NKAIN2: variants seen among roughly 807,000 people sequenced by gnomAD.
NKAIN2 encodes the protein sodium/potassium-transporting ATPase subunit beta-1-interacting protein 2.
NKAIN2 carries 14 observed loss-of-function variants against 32.6 expected under a neutral mutation model. That is an observed-to-expected ratio of 0.43 (90% confidence interval 0.28 to 0.67). NKAIN2 has a LOEUF of 0.67. NKAIN2 is among the 30% of genes least tolerant of loss of function. The probability of loss-of-function intolerance (pLI) is 0.17; values close to 1 mark genes in which losing one functional copy is unlikely to be tolerated. For missense variants in NKAIN2, 198 were observed against 258.3 expected, an observed-to-expected ratio of 0.77 and a Z score of 1.60; for synonymous variants, 80 against 87.2, an observed-to-expected ratio of 0.92 and a Z score of 0.46.
rs1048210176 is a variant in NKAIN2 at position 124,484,954 on chromosome 6, TA to T, written c.273+129615del. On this transcript the variant is annotated intron_variant, in intron 3 of 6. Transcript: ENST00000368417. ...AGCATATAAAACACATTGTGCATAATAAAAAAAAGAGCCCCTTCTGAGTGAA... is the reference window on the plus strand; with the variant it reads ...AGCATATAAAACACATTGTGCATAATAAAAAAAGAGCCCCTTCTGAGTGAA... Among the ~76,000 whole-genome samples the T allele has an allele frequency of 5.9e-5, 9 of 151,794 alleles. No individual in the cohort carries two copies. The East Asian group carries it at 9.7e-4, about 16-fold the overall frequency.
intron 3 of NKAIN2, among the ~76,000 whole-genome samples, chr6:124,391,940 C>G (rs1327507390): frequency 6.6e-6 from 1 of 152,070 alleles, no homozygotes; most frequent in Non-Finnish European, 1.5e-5. Flanking sequence ...TTGTATGAAA[C>G]TGGAATCTCC....
At chr6:124,543,428 T>C (rs776585701) in intron 3 of NKAIN2, among the ~76,000 whole-genome samples, 6 of 152,184 alleles carry the variant, frequency 3.9e-5, no homozygotes, top group Non-Finnish European at 8.8e-5. Context: ...AAAACTGATG[T>C]TTATTTTTAT....
chr6:124,500,534 G>A (rs1778246580), intron 3 of NKAIN2, among the ~76,000 whole-genome samples: 1 of 151,862 alleles, frequency 6.6e-6, no homozygotes, highest in Non-Finnish European at 1.5e-5. Context: ...CATGGCTGTG[G>A]TCTCAGCTAC....
chr6:124,820,847 T>C (rs1376021429), intron 6 of NKAIN2, among the ~76,000 whole-genome samples: 1 of 152,196 alleles, frequency 6.6e-6, no homozygotes, highest in African/African-American at 2.4e-5. Context: ...CCTGATGATC[T>C]GAGGTGGAAC....
At chr6:123,985,560 A>G (rs995004419) in intron 1 of NKAIN2, among the ~76,000 whole-genome samples, 5 of 152,216 alleles carry the variant, frequency 3.3e-5, no homozygotes, top group Admixed American at 2.0e-4. Flanking sequence ...GTTTATAAAT[A>G]TATGCATTCA....
chr6:124,176,317 T>A (rs1390579166), intron 1 of NKAIN2, among the ~76,000 whole-genome samples: 2 of 152,168 alleles, frequency 1.3e-5, no homozygotes, highest in Admixed American at 1.3e-4. Flanking sequence ...AAGTATGATT[T>A]AAAAAAGTAT....
At chr6:123,973,935 C>G (rs1191669124) in intron 1 of NKAIN2, among the ~76,000 whole-genome samples, 1 of 151,962 alleles carries the variant, frequency 6.6e-6, no homozygotes, top group African/African-American at 2.4e-5. Context: ...GGAGAATTAT[C>G]CTAATAATCG....
In NKAIN2 at chr6:124,593,753, A is replaced by G. The variant is rs555842757; in HGVS notation, c.274-64433A>G. Among the ~76,000 whole-genome samples the G allele has an allele frequency of 2.6e-5, 4 of 152,330 alleles. No homozygotes were observed. The East Asian group carries it at 7.7e-4, about 29-fold the overall frequency. ...CTTTTGCTAGACATGACATAAGGCTATATCCAACCAGATTAGGTAAAGGAA... is the reference window on the plus strand; with the variant it reads ...CTTTTGCTAGACATGACATAAGGCTGTATCCAACCAGATTAGGTAAAGGAA... On this transcript the variant is annotated intron_variant, in intron 3 of 6. Transcript: ENST00000368417.
chr6:124,225,265 A>C (rs1440431898), intron 1 of NKAIN2, among the ~76,000 whole-genome samples: 1 of 152,118 alleles, frequency 6.6e-6, no homozygotes, highest in Non-Finnish European at 1.5e-5. Flanking sequence ...AGGATAGTAT[A>C]AAATTGTAGC....
intron 4 of NKAIN2, among the ~76,000 whole-genome samples, chr6:124,711,190 T>G (rs9375359): frequency 8.1e-6 from 1 of 122,846 alleles, no homozygotes; most frequent in Non-Finnish European, 1.7e-5. Flanking sequence ...GCGTTTCTGC[T>G]GAGAGATCCG....
At chr6:124,656,279 A>G (rs1187890652) in intron 3 of NKAIN2, among the ~76,000 whole-genome samples, 5 of 152,186 alleles carry the variant, frequency 3.3e-5, no homozygotes. Flanking sequence ...ATAGTTTCCA[A>G]AGAAGTCTGT....
At chr6:124,140,683 C>T (rs1787089702) in intron 1 of NKAIN2, among the ~76,000 whole-genome samples, 1 of 152,098 alleles carries the variant, frequency 6.6e-6, no homozygotes, top group East Asian at 1.9e-4. Flanking sequence ...AATTCCTATC[C>T]AGCTATTTTT....
intron 1 of NKAIN2, among the ~76,000 whole-genome samples, chr6:124,062,868 C>T (rs935503300): frequency 2.0e-5 from 3 of 152,060 alleles, no homozygotes; most frequent in Non-Finnish European, 4.4e-5. Flanking sequence ...TGTAAATTAG[C>T]ACATTTAATT....
chr6:124,262,810 T>C (rs978274032), intron 1 of NKAIN2, among the ~76,000 whole-genome samples: 1 of 152,106 alleles, frequency 6.6e-6, no homozygotes, highest in Admixed American at 6.6e-5. Flanking sequence ...CAAGCAACGA[T>C]GGGACCTCAC....
At chr6:124,135,158 C>T (rs1786679181) in intron 1 of NKAIN2, among the ~76,000 whole-genome samples, 1 of 151,824 alleles carries the variant, frequency 6.6e-6, no homozygotes, top group South Asian at 2.1e-4. Flanking sequence ...TCAAAATACA[C>T]CAAAATGAAC....
At chr6:124,013,852 G>A (rs1317291890) in intron 1 of NKAIN2, among the ~76,000 whole-genome samples, 1 of 152,054 alleles carries the variant, frequency 6.6e-6, no homozygotes, top group Non-Finnish European at 1.5e-5. Context: ...AAGGGTAGAA[G>A]GTTCACAAGC....
At chr6:124,536,586 A>G (rs1779723136) in intron 3 of NKAIN2, among the ~76,000 whole-genome samples, 1 of 152,118 alleles carries the variant, frequency 6.6e-6, no homozygotes, top group South Asian at 2.1e-4. Flanking sequence ...CCCAATTGCT[A>G]CTAACAGAAA....
chr6:123,928,690 T>G (rs2114513749), intron 1 of NKAIN2, among the ~76,000 whole-genome samples: 1 of 152,312 alleles, frequency 6.6e-6, no homozygotes, highest in Non-Finnish European at 1.5e-5. Context: ...GTTTAACCAC[T>G]TTGTAAAAAC....
intron 4 of NKAIN2, among the ~76,000 whole-genome samples, chr6:124,731,577 G>T (rs1334114517): frequency 3.4e-4 from 38 of 110,450 alleles, no homozygotes; most frequent in African/African-American, 1.3e-3. Context: ...GGGGAGGGGG[G>T]AGGGATAGCA....
Sources: gnomAD v4.1 joint callset for allele counts (sites outside exome capture counted in the v4.1 genomes callset) on GRCh38, gnomAD v4.1.1 for gene constraint, MANE v1.5 for transcripts, NCBI Gene and HGNC (gene_info 2026-07-23, HGNC 2026-07-21) for gene names.